EPHB3: variants seen among roughly 807,000 people sequenced by gnomAD.
The protein encoded by EPHB3 is ephrin type-B receptor 3.
A neutral mutation model predicts 100.2 loss-of-function variants in EPHB3; 33 were observed. That is an observed-to-expected ratio of 0.33 (90% CI 0.25 to 0.44). The LOEUF (loss-of-function observed/expected upper bound fraction) is 0.44. Among genes scored for constraint, EPHB3 ranks in the 20% least tolerant of loss-of-function variants. The pLI is 1.00. For missense variants in EPHB3, 1,045 were observed against 1,378.3 expected (o/e 0.76, Z 3.83); for synonymous variants, 526 against 554.7 (o/e 0.95, Z 0.73).
chr3:184,579,413 G>T lies in EPHB3; in HGVS notation c.1802-64G>T. On this transcript the variant is annotated intron_variant, in intron 9 of 15. Coordinates refer to ENST00000330394, the MANE Select transcript of EPHB3 (RefSeq NM_004443.4). This position sits in a 1 kb window ranked among gnomAD's most constrained non-coding sequence, Gnocchi z 5.2. The stretch of plus-strand genomic sequence containing the variant: ...GCTCAGCAGGGAGCCTGCTGGAGCT[G>T]TGCCCATCGCAGGGAGAGGCTGGCT... 1 of 1,590,668 alleles carries T rather than the reference G, an allele frequency of 6.3e-7. No individual in the cohort carries two copies. The highest frequency in any genetic ancestry group is 8.6e-7 in the Non-Finnish European group (1 of 1,164,214).
At chr3:184,566,623 GA>G (rs2108434388) in intron 1 of EPHB3, among the ~76,000 whole-genome samples, 1 of 152,298 alleles carries the variant, frequency 6.6e-6, no homozygotes, top group South Asian at 2.1e-4. Flanking sequence ...GGTGGCTGAG[GA>G]AGGGACTCCG....
intron 4 of EPHB3, among the ~76,000 whole-genome samples, chr3:184,576,565 G>T (rs1158260076): frequency 6.6e-6 from 1 of 152,240 alleles, no homozygotes; most frequent in Non-Finnish European, 1.5e-5. Flanking sequence ...ACTAAGAGCT[G>T]GGCTAGAAGG....
In EPHB3 at chr3:184,579,451, C is replaced by T. The variant is rs760394404; in HGVS notation, c.1802-26C>T. 19 of 1,609,574 alleles carry T rather than the reference C, an allele frequency of 1.2e-5. No individual in the cohort carries two copies. In the Admixed American group the frequency reaches 2.7e-4, roughly 23 times the overall value. Reference sequence around the variant, plus strand: ...GGAGAGGCTGGCTTGACGTTACCCTCTCACGCCCACCTCTTCTCCCTCCAG... The same window carrying T: ...GGAGAGGCTGGCTTGACGTTACCCTTTCACGCCCACCTCTTCTCCCTCCAG... On this transcript the variant is annotated intron_variant, in intron 9 of 15. Transcript: ENST00000330394. This position sits in a 1 kb window ranked among gnomAD's most constrained non-coding sequence, Gnocchi z 5.2.
rs1714807170 is a variant in EPHB3 at position 184,581,047 on chromosome 3, C to T, written c.2614C>T (p.Leu872=). ...DCPTALHQLM[L]DCWVRDRNLR... ...TCCCACAGCACTGCACCAGCTCATG[C>T]TGGACTGCTGGGTGCGGGACCGGAA... is the stretch of plus-strand genomic sequence containing the variant. Residue 872 remains leucine (L), a synonymous_variant, in exon 14 of 16, where the codon CTG becomes TTG. Transcript: ENST00000330394. 4.3e-6 allele frequency: 7 copies of T among 1,614,174 alleles called. No homozygotes were observed. Among genetic ancestry groups the T allele is most frequent in the Non-Finnish European group, 5.9e-6 (7 of 1,180,032 alleles).
At position 184,580,634 on chromosome 3, in the gene EPHB3, G is replaced by A; in HGVS notation, c.2388+17G>A. The A allele has an allele frequency of 6.2e-7, 1 of 1,611,608 alleles. No individual in the cohort carries two copies. The highest frequency in any genetic ancestry group is 8.5e-7 in the Non-Finnish European group (1 of 1,178,050). On this transcript the variant is annotated intron_variant, in intron 12 of 15. Coordinates refer to ENST00000330394, the MANE Select transcript of EPHB3 (RefSeq NM_004443.4). ...AGTTCCCTGGTACAGGAAGCCGCTG[G>A]GAGGGAGACTGGGGGCGGGGCCTAT...
Position 184,579,081 on chromosome 3 carries a change from C to A in EPHB3, c.1802-396C>A, listed in dbSNP as rs1714753900. ...ATAGGTAATTGGAAAGGCTCTCAAG[C>A]TGGGGAGTAATACAATGAAAGGATT... is the stretch of plus-strand genomic sequence containing the variant. On this transcript the variant is annotated intron_variant, in intron 9 of 15. Coordinates refer to ENST00000330394, the MANE Select transcript of EPHB3 (RefSeq NM_004443.4). The surrounding 1 kb of genome is among the most constrained non-coding windows in gnomAD (Gnocchi z 5.2). Among the ~76,000 whole-genome samples, 1 of 152,080 alleles carries A rather than the reference C, an allele frequency of 6.6e-6. No homozygotes were observed. Among genetic ancestry groups the A allele is most frequent in the South Asian group, 2.1e-4 (1 of 4,820 alleles).
intron 1 of EPHB3, among the ~76,000 whole-genome samples, chr3:184,564,177 G>A (rs990386254): frequency 3.3e-5 from 5 of 152,200 alleles, no homozygotes; most frequent in Admixed American, 1.3e-4. Flanking sequence ...AGGACCTTTC[G>A]TTCCCCATTC....
rs1298390005 is a variant in EPHB3, at chr3:184,573,817, A to G, written c.856+641A>G. ...GCTGCAACCTCCACCTCCCAGGTTC[A>G]AACAATTCTCCTGCCTCAGCCTCCT... On this transcript the variant is annotated intron_variant, in intron 3 of 15. Coordinates refer to ENST00000330394, the MANE Select transcript of EPHB3 (RefSeq NM_004443.4). This position sits in a 1 kb window ranked among gnomAD's most constrained non-coding sequence, Gnocchi z 4.5. 6.6e-6 allele frequency among the ~76,000 whole-genome samples: 1 copy of G among 151,520 alleles called. No individual in the cohort carries two copies. The highest frequency in any genetic ancestry group is 1.5e-5 in the Non-Finnish European group (1 of 67,960).
At chr3:184,567,162 C>T (rs549807314) in intron 1 of EPHB3, among the ~76,000 whole-genome samples, 19 of 152,264 alleles carry the variant, frequency 1.2e-4, no homozygotes, top group Non-Finnish European at 1.9e-4. Flanking sequence ...ACTTGGGCAG[C>T]GGCTATACCT....
chr3:184,568,165 G>T (rs933161894), intron 1 of EPHB3, among the ~76,000 whole-genome samples: 1 of 152,108 alleles, frequency 6.6e-6, no homozygotes, highest in Non-Finnish European at 1.5e-5. Context: ...CTGCTGCCAC[G>T]TGGCTGCTCT....
At position 184,561,818 on chromosome 3, in the gene EPHB3, T is replaced by G. The variant is rs1429739755; in HGVS notation, c.-418T>G. The G allele has an allele frequency of 6.6e-6, 1 of 152,078 alleles. No individual in the cohort carries two copies. Among genetic ancestry groups the G allele is most frequent in the Non-Finnish European group, 1.5e-5 (1 of 68,188 alleles). The allele number at this position is 152,078 out of a possible 1,614,324, so 9.4% of individuals were successfully genotyped here. A position where few individuals can be genotyped will look rare whatever the true frequency, so the allele number is the denominator to read the frequency against. On this transcript the variant is annotated 5_prime_UTR_variant, in exon 1 of 16. Transcript: ENST00000330394. ...TGAGTACGTGAGCGGCGCAGCAAGA[T>G]CCCAGCTCGGACCCCGGACGGCGCG...
chr3:184,580,675 G>T, intron 12 of EPHB3, 54 bp from the exon 13 acceptor site: 1 of 1,609,978 alleles, frequency 6.2e-7, no homozygotes. Context: ...AGGGGCTCGG[G>T]CCTGGGGGGC....
rs770017111 is a variant in EPHB3 at position 184,576,963 on chromosome 3, G to A, written c.1134G>A (p.Lys378=). Residue 378 remains lysine, a synonymous_variant, in exon 5 of 16, where the codon AAG becomes AAA. Coordinates refer to ENST00000330394, the MANE Select transcript of EPHB3 (RefSeq NM_004443.4). ...RDDLLYNVIC[K]KCHGAGGASA... The stretch of plus-strand genomic sequence containing the variant: ...ACCTCCTGTACAATGTCATCTGCAA[G>A]AAGTGCCATGGGGCTGGAGGGGCCT... The A allele has an allele frequency of 6.2e-7, 1 of 1,612,720 alleles. No individual in the cohort carries two copies. Among genetic ancestry groups the A allele is most frequent in the East Asian group, 2.2e-5 (1 of 44,842 alleles).
chr3:184,581,479 G>A, intron 15 of EPHB3, 35 bp from the exon 16 acceptor site: 1 of 1,603,372 alleles, frequency 6.2e-7, no homozygotes. Context: ...AGGGCACGAG[G>A]AAAGGGACTG....
At chr3:184,575,748 A>T in intron 3 of EPHB3, 82 bp from the exon 4 acceptor site, 2 of 1,482,636 alleles carry the variant, frequency 1.3e-6, no homozygotes, top group Non-Finnish European at 1.8e-6. Flanking sequence ...GCTGGGGAGA[A>T]GCCAGGTTCT....
chr3:184,577,553 C>G lies in EPHB3; in HGVS notation c.1479+86C>G, dbSNP rs894129056. 3 of 1,591,062 alleles carry G rather than the reference C, an allele frequency of 1.9e-6. No individual in the cohort carries two copies. The African/African-American group carries it at 4.0e-5, about 21-fold the overall frequency. ...CGGATCATGATGGGGCCCTTGGGAG[C>G]AAGGCCTTGGGTATGGAGGGGGCAT... is the stretch of plus-strand genomic sequence containing the variant. On this transcript the variant is annotated intron_variant, in intron 6 of 15. Coordinates refer to ENST00000330394, the MANE Select transcript of EPHB3 (RefSeq NM_004443.4). This position sits in a 1 kb window ranked among gnomAD's most constrained non-coding sequence, Gnocchi z 4.9.
intron 1 of EPHB3, among the ~76,000 whole-genome samples, chr3:184,566,225 T>C (rs915876858): frequency 1.3e-5 from 2 of 152,204 alleles, no homozygotes; most frequent in Non-Finnish European, 2.9e-5. Context: ...CCACCCGTCC[T>C]TCTGGCTGCT....
intron 1 of EPHB3, among the ~76,000 whole-genome samples, chr3:184,567,044 GC>G (rs1283979141): frequency 6.6e-6 from 1 of 152,116 alleles, no homozygotes; most frequent in East Asian, 1.9e-4. Context: ...AAGCGGAAGA[GC>G]CTTGCCCAGA....
In EPHB3 at chr3:184,580,824, G is replaced by T; in HGVS notation, c.2484G>T (p.Met828Ile). 1 of 1,614,232 alleles carries T rather than the reference G, an allele frequency of 6.2e-7. No homozygotes were observed. The highest frequency in any genetic ancestry group is 1.3e-5 in the African/African-American group (1 of 75,066). The change falls in exon 13 of 16, where the codon ATG (methionine) becomes ATT (isoleucine). Residue 828 changes from methionine to isoleucine, a missense_variant. By Grantham distance (10) the Met-to-Ile change is conservative. This residue lies in a region of EPHB3 where 985 missense variants were observed against 1,331.1 expected (regional missense o/e 0.74). Transcript: ENST00000330394. Reference sequence around the variant, plus strand: ...ATGTCTGGAGCTACGGAATTGTCATGTGGGAGGTCATGAGCTATGGAGAGC... The same window carrying T: ...ATGTCTGGAGCTACGGAATTGTCATTTGGGAGGTCATGAGCTATGGAGAGC... Reference protein sequence around the residue: ...ASDVWSYGIVMWEVMSYGERP... With the variant: ...ASDVWSYGIVIWEVMSYGERP...
Sources: gnomAD v4.1 joint callset for allele counts (sites outside exome capture counted in the v4.1 genomes callset) on GRCh38, gnomAD v4.1.1 for gene constraint, gnomAD v4.1.1 regional missense constraint, Gnocchi (gnomAD v3.1) non-coding constraint, MANE v1.5 for transcripts, NCBI Gene and HGNC (gene_info 2026-07-23, HGNC 2026-07-21) for gene names.